UBR1: variants seen among roughly 807,000 people sequenced by gnomAD.
The protein encoded by UBR1 is E3 ubiquitin-protein ligase UBR1.
A neutral mutation model predicts 242.1 loss-of-function variants in UBR1; 102 were observed. The ratio of observed to expected loss-of-function variants is 0.42; its 90% CI spans 0.36 to 0.50. The LOEUF (loss-of-function observed/expected upper bound fraction) is 0.50, where lower values mean the gene tolerates loss of function less well. UBR1 is among the 20% of genes least tolerant of loss of function. The pLI, the probability that UBR1 is intolerant of heterozygous loss-of-function variation, is 0.01. For synonymous variants in UBR1, 675 were observed against 684.8 expected (o/e 0.99, Z 0.22); for missense variants, 1,772 against 2,101.8 (o/e 0.84, Z 3.07).
At chr15:42,949,581 T>C (rs1424909126) in intron 46 of UBR1, among the ~76,000 whole-genome samples, 1 of 130,818 alleles carries the variant, frequency 7.6e-6, no homozygotes, top group African/African-American at 2.5e-5. Flanking sequence ...GGTAGATCAC[T>C]TGAGGTCAGG....
chr15:43,084,038 T>C (rs569801642), intron 2 of UBR1, among the ~76,000 whole-genome samples: 1 of 152,146 alleles, frequency 6.6e-6, no homozygotes, highest in Admixed American at 6.5e-5. Context: ...AGAGCGAAAC[T>C]CTGTCTCAAA....
chr15:42,959,816 A>G (rs533714428), intron 43 of UBR1, among the ~76,000 whole-genome samples: 1 of 152,368 alleles, frequency 6.6e-6, no homozygotes, highest in South Asian at 2.1e-4. Flanking sequence ...GCATATGCAC[A>G]TGTACAGTGG....
At position 43,021,261 on chromosome 15, in the gene UBR1, C is replaced by T. The variant is rs2033107110; in HGVS notation, c.2940+14G>A. 1.9e-6 allele frequency: 3 copies of T among 1,609,004 alleles called. No homozygotes were observed. Among genetic ancestry groups the T allele is most frequent in the Admixed American group, 1.7e-5 (1 of 59,976 alleles). Reference sequence around the variant, plus strand: ...TTTAAACCAAGATATGATCACTTTACTTTTTTAGTTTACCTGAAGTATCCA... The same window carrying T: ...TTTAAACCAAGATATGATCACTTTATTTTTTTAGTTTACCTGAAGTATCCA... On this transcript the variant is annotated intron_variant, in intron 27 of 46. Coordinates refer to ENST00000290650, the MANE Select transcript of UBR1 (RefSeq NM_174916.3).
Position 42,966,677 on chromosome 15 carries a change from C to CAA in UBR1, c.4458-393_4458-392dup, listed in dbSNP as rs201069916. 5.3e-3 allele frequency among the ~76,000 whole-genome samples: 505 copies of CAA among 95,188 alleles called. 2 individuals carry two copies. Among genetic ancestry groups the CAA allele is most frequent in the African/African-American group, 0.018 (480 of 26,024 alleles). The allele number at this position is 95,188 out of a possible 152,430, so 62.4% of individuals were successfully genotyped here. ...TGGGCAACAGAGCGAGACGCTGACT[C>CAA]AAAAAAAAAAAAAAAAATTTGAGTA... On this transcript the variant is annotated intron_variant, in intron 40 of 46. Coordinates refer to ENST00000290650, the MANE Select transcript of UBR1 (RefSeq NM_174916.3).
intron 46 of UBR1, among the ~76,000 whole-genome samples, chr15:42,949,312 G>T (rs988992762): frequency 1.3e-5 from 2 of 150,306 alleles, no homozygotes; most frequent in Non-Finnish European, 3.0e-5. Flanking sequence ...ATAGCATTTG[G>T]AGATATACCT....
At chr15:43,049,211 T>C (rs1025536622) in intron 12 of UBR1, among the ~76,000 whole-genome samples, 5 of 152,204 alleles carry the variant, frequency 3.3e-5, no homozygotes, top group South Asian at 2.1e-4. Context: ...CTGAAGTTCA[T>C]AGTATAGTGG....
At chr15:43,043,906 G>T (rs981121851) in intron 14 of UBR1, among the ~76,000 whole-genome samples, 2 of 152,048 alleles carry the variant, frequency 1.3e-5, no homozygotes, top group African/African-American at 4.8e-5. Flanking sequence ...CATGTAAATG[G>T]TACAGACTAA....
intron 3 of UBR1, among the ~76,000 whole-genome samples, chr15:43,081,866 C>CA (rs2033978713): frequency 6.6e-6 from 1 of 151,850 alleles, no homozygotes; most frequent in African/African-American, 2.4e-5. Context: ...AAATTATTTA[C>CA]ACATAAAGGC....
At chr15:42,995,996 T>G (rs2032632448) in intron 33 of UBR1, among the ~76,000 whole-genome samples, 2 of 152,310 alleles carry the variant, frequency 1.3e-5, no homozygotes, top group East Asian at 1.9e-4. Context: ...TAGGCCAGGC[T>G]TTTTCAATGT....
chr15:43,048,341 C>A, intron 13 of UBR1, 51 bp downstream of exon 13: 1 of 1,443,228 alleles, frequency 6.9e-7, no homozygotes, highest in South Asian at 1.2e-5. Flanking sequence ...GACTGCGGTT[C>A]AATTTTTAAA....
intron 33 of UBR1, among the ~76,000 whole-genome samples, chr15:42,991,842 G>T (rs2032561756): frequency 6.6e-6 from 1 of 152,060 alleles, no homozygotes; most frequent in Non-Finnish European, 1.5e-5. Context: ...CTGGGCTCAA[G>T]CGATCCTCTC....
intron 29 of UBR1, 35 bp downstream of exon 29, chr15:43,015,653 A>C (rs75451040): frequency 1.2e-5 from 19 of 1,607,098 alleles, no homozygotes; most frequent in Non-Finnish European, 1.4e-5. Context: ...AAAAAAAAAA[A>C]TTGAGTTGGT....
intron 40 of UBR1, among the ~76,000 whole-genome samples, chr15:42,967,413 CTT>C (rs745399720): frequency 5.9e-5 from 8 of 136,008 alleles, no homozygotes; most frequent in Admixed American, 7.4e-5. Context: ...CTAAAGCTTC[CTT>C]TTTTTTTTTT....
chr15:42,970,493 A>T, intron 40 of UBR1, 27 bp downstream of exon 40: 1 of 1,591,524 alleles, frequency 6.3e-7, no homozygotes, highest in Non-Finnish European at 8.6e-7. Context: ...TTATTACAAT[A>T]GACTGAACTA....
intron 46 of UBR1, among the ~76,000 whole-genome samples, chr15:42,947,732 G>A (rs7176123): frequency 0.013 from 1,956 of 152,284 alleles, 47 homozygotes; most frequent in African/African-American, 0.043. Context: ...TACAAGGGAC[G>A]TTTAGGACCT....
chr15:42,984,524 T>C (rs747578731), intron 36 of UBR1, among the ~76,000 whole-genome samples: 36 of 152,208 alleles, frequency 2.4e-4, no homozygotes, highest in Non-Finnish European at 4.3e-4. Context: ...GAATTCAGTA[T>C]GATGATTCAT....
At position 43,038,189 on chromosome 15, in the gene UBR1, C is replaced by T. The variant is rs772839689; in HGVS notation, c.1893G>A (p.Leu631=). The change falls in exon 16 of 47, where the codon CTG becomes CTA. Residue 631 remains leucine (L), a synonymous_variant. Coordinates refer to ENST00000290650, the MANE Select transcript of UBR1 (RefSeq NM_174916.3). ...CACTTACAAAAGACACAAATTCATG[C>T]AGTCTTGAAACAGCACCCAGCCTGC... The part of the protein sequence containing the change: ...RLSRLGAVSR[L]HEFVSFEDFQ... The T allele has an allele frequency of 6.8e-6, 11 of 1,613,874 alleles. No individual in the cohort carries two copies. The Middle Eastern group carries it at 4.9e-4, about 72-fold the overall frequency.
chr15:43,015,156 T>C (rs1596102292), intron 29 of UBR1, among the ~76,000 whole-genome samples: 1 of 152,180 alleles, frequency 6.6e-6, no homozygotes. Context: ...CAACAGCTCA[T>C]TGAGAACGGG....
At chr15:42,984,705 C>T (rs1286171167) in intron 36 of UBR1, among the ~76,000 whole-genome samples, 182 bp downstream of exon 36, 7 of 152,106 alleles carry the variant, frequency 4.6e-5, no homozygotes, top group Admixed American at 3.3e-4. Flanking sequence ...ATTGAGTAAG[C>T]GCTGTAAAGT....
Sources: allele counts gnomAD v4.1 joint callset (sites outside exome capture counted in the v4.1 genomes callset), GRCh38; gene constraint gnomAD v4.1.1; transcripts MANE v1.5; gene names NCBI Gene and HGNC (gene_info 2026-07-23, HGNC 2026-07-21).